The following CALCR variants were observed in gnomAD, a reference collection of about 807,000 sequenced individuals.
CALCR encodes the protein calcitonin receptor.
In CALCR, 47 loss-of-function variants were observed where a neutral mutation model predicts 59.5. That is an observed-to-expected ratio of 0.79 (90% CI 0.63 to 1.01). The LOEUF is 1.01. Among genes scored for constraint, CALCR ranks in the 50% least tolerant of loss-of-function variants. The pLI is 0.00. For synonymous variants in CALCR, 213 were observed against 211.3 expected, an observed-to-expected ratio of 1.01 and a Z score of -0.07; for missense variants, 566 against 597.1, an observed-to-expected ratio of 0.95 and a Z score of 0.54.
chr7:93,468,159 C>T (rs1800478739), intron 7 of CALCR, among the ~76,000 whole-genome samples: 1 of 151,708 alleles, frequency 6.6e-6, no homozygotes, highest in South Asian at 2.1e-4. Context: ...TTCAAGTTTT[C>T]CTTGTATGTT....
chr7:93,524,315 G>A (rs1016546089), intron 2 of CALCR, among the ~76,000 whole-genome samples: 4 of 151,456 alleles, frequency 2.6e-5, no homozygotes, highest in Middle Eastern at 3.2e-3. Context: ...GACTACAGGC[G>A]CCTGCCACCA....
chr7:93,558,800 T>C (rs1584631591), intron 2 of CALCR, among the ~76,000 whole-genome samples: 1 of 152,026 alleles, frequency 6.6e-6, no homozygotes, highest in Non-Finnish European at 1.5e-5. Context: ...AGAGAGTATG[T>C]CAAATGAGAT....
intron 6 of CALCR, among the ~76,000 whole-genome samples, chr7:93,471,185 G>A (rs1217599912): frequency 6.6e-6 from 1 of 151,760 alleles, no homozygotes; most frequent in Non-Finnish European, 1.5e-5. Flanking sequence ...GAATGATTTG[G>A]ACTTGCACTA....
intron 2 of CALCR, among the ~76,000 whole-genome samples, chr7:93,516,426 C>G (rs1013348602): frequency 3.3e-5 from 5 of 151,862 alleles, no homozygotes; most frequent in African/African-American, 1.2e-4. Flanking sequence ...GGATACTAAA[C>G]TTGGGGCTAG....
chr7:93,445,129 T>G (rs576768059), intron 8 of CALCR, among the ~76,000 whole-genome samples: 2 of 152,200 alleles, frequency 1.3e-5, no homozygotes, highest in African/African-American at 4.8e-5. Context: ...AGTGGTACAG[T>G]GGTGCAGATA....
At chr7:93,478,571 T>C (rs958019363) in intron 4 of CALCR, among the ~76,000 whole-genome samples, 2 of 151,434 alleles carry the variant, frequency 1.3e-5, no homozygotes, top group African/African-American at 2.4e-5. Flanking sequence ...GCACCTGTAG[T>C]CCCAACTGCT....
At chr7:93,495,888 A>G (rs1168817489) in intron 2 of CALCR, 2 of 1,531,752 alleles carry the variant, frequency 1.3e-6, no homozygotes, top group Non-Finnish European at 1.7e-6. Flanking sequence ...GTTTGTATCC[A>G]CAAATGGGCA....
At chr7:93,516,655 A>AGAGAGTCGAGG (rs1491546155) in intron 2 of CALCR, among the ~76,000 whole-genome samples, 1 of 151,886 alleles carries the variant, frequency 6.6e-6, no homozygotes, top group Non-Finnish European at 1.5e-5. Context: ...TGCATGTCAA[A>AGAGAGTCGAGG]GAGAGTCGAG....
chr7:93,521,362 T>C lies in CALCR; in HGVS notation c.-26-34355A>G, dbSNP rs534811198. Among the ~76,000 whole-genome samples the C allele has an allele frequency of 4.6e-5, 7 of 152,226 alleles. No individual in the cohort carries two copies. The South Asian group carries it at 1.5e-3, about 32-fold the overall frequency. ...CCTCTTCTATGCATGAGAAATAGTA[T>C]ACTGTCCAGACCCTACTGGCAAGTA... On this transcript the variant is annotated intron_variant, in intron 2 of 13. Transcript: ENST00000426151.
chr7:93,569,545 CG>C (rs1789952446), intron 2 of CALCR, among the ~76,000 whole-genome samples: 2 of 152,132 alleles, frequency 1.3e-5, no homozygotes, highest in African/African-American at 4.8e-5. Context: ...CCCTGATGTC[CG>C]GGCTGGTTGT....
intron 2 of CALCR, among the ~76,000 whole-genome samples, chr7:93,497,441 C>T (rs990361794): frequency 2.6e-5 from 4 of 151,540 alleles, no homozygotes; most frequent in African/African-American, 9.7e-5. Context: ...GTTCTTAAGA[C>T]AAAATGTTGT....
At chr7:93,559,645 T>C (rs1313944534) in intron 2 of CALCR, 2 of 152,180 alleles carry the variant, frequency 1.3e-5, no homozygotes, top group Admixed American at 6.6e-5. Flanking sequence ...TTCTACTCAT[T>C]ACTTTTAATG....
chr7:93,525,795 T>C (rs1801865600), intron 2 of CALCR, among the ~76,000 whole-genome samples: 1 of 152,214 alleles, frequency 6.6e-6, no homozygotes, highest in South Asian at 2.1e-4. Flanking sequence ...CTTCAGTTAA[T>C]GTTCTTTATG....
chr7:93,462,471 G>A (rs116670725), intron 7 of CALCR, among the ~76,000 whole-genome samples: 93 of 152,200 alleles, frequency 6.1e-4, no homozygotes, highest in African/African-American at 2.2e-3. Flanking sequence ...CCTCATGCTC[G>A]TTTATACTGA....
At chr7:93,429,542 A>G (rs1214236787) in intron 13 of CALCR, among the ~76,000 whole-genome samples, 1 of 152,200 alleles carries the variant, frequency 6.6e-6, no homozygotes, top group Non-Finnish European at 1.5e-5. Flanking sequence ...CTTAACTATT[A>G]TACCTGGCTC....
chr7:93,450,798 T>C (rs1359036288), intron 8 of CALCR, among the ~76,000 whole-genome samples: 1 of 151,946 alleles, frequency 6.6e-6, no homozygotes, highest in African/African-American at 2.4e-5. Context: ...GCCATCACCA[T>C]TTTATTTTTA....
chr7:93,500,609 A>G (rs1247875956), intron 2 of CALCR, among the ~76,000 whole-genome samples: 1 of 151,960 alleles, frequency 6.6e-6, no homozygotes, highest in Non-Finnish European at 1.5e-5. Context: ...TGTTTGCAGA[A>G]ATGGAGGTGG....
intron 5 of CALCR, among the ~76,000 whole-genome samples, chr7:93,476,733 T>C (rs917943559): frequency 6.6e-6 from 1 of 151,918 alleles, no homozygotes; most frequent in Non-Finnish European, 1.5e-5. Flanking sequence ...TCTAATGTAG[T>C]TGTCAAATCA....
intron 2 of CALCR, among the ~76,000 whole-genome samples, chr7:93,571,576 C>G (rs1350561678): frequency 6.6e-6 from 1 of 151,784 alleles, no homozygotes; most frequent in African/African-American, 2.4e-5. Flanking sequence ...TCAAGCAGAG[C>G]TGTGCCAGAA....
Sources: gnomAD v4.1 joint callset for allele counts (sites outside exome capture counted in the v4.1 genomes callset) on GRCh38, gnomAD v4.1.1 for gene constraint, MANE v1.5 for transcripts, NCBI Gene and HGNC (gene_info 2026-07-23, HGNC 2026-07-21) for gene names.